Variants in CDH23 observed in about 807,000 individuals in gnomAD.
CDH23 encodes cadherin-23.
In CDH23, 189 loss-of-function variants were observed where a neutral mutation model predicts 317.1. The ratio of observed to expected loss-of-function variants is 0.60; its 90% CI spans 0.53 to 0.67. The LOEUF (loss-of-function observed/expected upper bound fraction) is 0.67. Ranked by LOEUF, CDH23 falls within the 30% of genes least tolerant of loss-of-function variation. The pLI is 0.00. For synonymous variants in CDH23, 1,839 were observed against 1,876.8 expected (o/e 0.98, Z 0.52); for missense variants, 4,401 against 4,592.4 (o/e 0.96, Z 1.20).
intron 32 of CDH23, 91 bp from the exon 33 acceptor site, chr10:71,734,149 G>A (rs1220138957): frequency 7.7e-5 from 78 of 1,013,368 alleles, no homozygotes; most frequent in Non-Finnish European, 1.1e-4. Flanking sequence ...CCGGACAGAG[G>A]AAGTGACATG....
At chr10:71,812,443 T>TCC in intron 66 of CDH23, 37 bp from the exon 67 acceptor site, 1 of 1,538,034 alleles carries the variant, frequency 6.5e-7, no homozygotes, top group Non-Finnish European at 8.9e-7. Context: ...ACTCGAGCCT[T>TCC]CCCTCCCTCC....
At chr10:71,737,497 A>G (rs1486651451) in intron 34 of CDH23, among the ~76,000 whole-genome samples, 2 of 152,232 alleles carry the variant, frequency 1.3e-5, no homozygotes, top group Non-Finnish European at 2.9e-5. Context: ...AAACCTGTAT[A>G]GAAGGAAGAA....
Position 71,724,025 on chromosome 10 carries a change from C to G in CDH23, c.3370-20C>G, listed in dbSNP as rs934679525. ...GCTGGGTGGCATTCAAGAAGTAACT[C>G]GTGTCTCATTCTTCCTCAGCTGAAA... On this transcript the variant is annotated intron_variant, in intron 28 of 69. Coordinates refer to ENST00000224721, the MANE Select transcript of CDH23 (RefSeq NM_022124.6). 1.3e-6 allele frequency: 2 copies of G among 1,554,156 alleles called. No homozygotes were observed. Among genetic ancestry groups the G allele is most frequent in the Middle Eastern group, 1.7e-4 (1 of 5,998 alleles).
intron 38 of CDH23, among the ~76,000 whole-genome samples, chr10:71,760,239 A>AGTGTG: frequency 3.0e-5 from 1 of 33,896 alleles, no homozygotes; most frequent in Admixed American, 2.6e-4. Context: ...ATGTATATAC[A>AGTGTG]TATATATGTA....
chr10:71,640,482 G>A (rs1032590263), intron 11 of CDH23, among the ~76,000 whole-genome samples: 1 of 152,242 alleles, frequency 6.6e-6, no homozygotes, highest in African/African-American at 2.4e-5. Context: ...GGGAGCGGTG[G>A]CTCACGCCTG....
At chr10:71,523,169 G>T (rs1192940166) in intron 6 of CDH23, among the ~76,000 whole-genome samples, 2 of 152,136 alleles carry the variant, frequency 1.3e-5, no homozygotes, top group African/African-American at 2.4e-5. Context: ...CCTTTATTGT[G>T]TTCTAGCACC....
Position 71,646,565 on chromosome 10 carries a change from A to C in CDH23, c.1397A>C (p.Asn466Thr), listed in dbSNP as rs369846470. ...CCCATCTTCAGCCAGCCACTGTACA[A>C]CATCAGCCTGTACGAGAACGTCACC... ...NRPIFSQPLY[N>T]ISLYENVTVG... The change falls in exon 14 of 70, where the codon AAC becomes ACC. Residue 466 changes from asparagine (N) to threonine (T), a missense_variant. Coordinates refer to ENST00000224721, the MANE Select transcript of CDH23 (RefSeq NM_022124.6). 2 of 1,613,860 alleles carry C rather than the reference A, an allele frequency of 1.2e-6. No homozygotes were observed. The highest frequency in any genetic ancestry group is 2.7e-5 in the African/African-American group (2 of 74,884).
chr10:71,510,246 GC>G, intron 4 of CDH23, 22 bp downstream of exon 4: 1 of 1,609,594 alleles, frequency 6.2e-7, no homozygotes, highest in Non-Finnish European at 8.5e-7. Flanking sequence ...CCATACCCCT[GC>G]CCCAATTCTC....
intron 1 of CDH23, among the ~76,000 whole-genome samples, chr10:71,408,175 T>C (rs1013981974): frequency 5.3e-5 from 8 of 152,150 alleles, no homozygotes; most frequent in African/African-American, 1.9e-4. Context: ...CTCTTAACAA[T>C]TTGACATCCA....
At chr10:71,529,540 G>T (rs1349430301) in intron 6 of CDH23, among the ~76,000 whole-genome samples, 1 of 152,286 alleles carries the variant, frequency 6.6e-6, no homozygotes, top group East Asian at 1.9e-4. Flanking sequence ...TCATAGGGTA[G>T]GGTCCACTCT....
At chr10:71,712,622 T>C in intron 27 of CDH23, 43 bp from the exon 28 acceptor site, 1 of 1,607,270 alleles carries the variant, frequency 6.2e-7, no homozygotes, top group East Asian at 2.2e-5. Context: ...TGTGCCCCTC[T>C]CTCAGGCAGC....
rs371702913 is a variant in CDH23 at position 71,777,940 on chromosome 10, C to A, written c.5067+39C>A. The A allele has an allele frequency of 2.6e-4, 418 of 1,605,054 alleles. 1 individual carries two copies. The African/African-American group carries it at 5.3e-3, about 20-fold the overall frequency. On this transcript the variant is annotated intron_variant, in intron 39 of 69. Coordinates refer to ENST00000224721, the MANE Select transcript of CDH23 (RefSeq NM_022124.6). ...GGCAGGATCAAGACAAGGGGCGAAA[C>A]CTATCCAGGGATTGGCAAGGAGTTC...
At chr10:71,577,553 C>A (rs1024642266) in intron 8 of CDH23, among the ~76,000 whole-genome samples, 10 of 152,182 alleles carry the variant, frequency 6.6e-5, no homozygotes, top group Non-Finnish European at 1.2e-4. Context: ...GTGCAGCAAC[C>A]TTCCTAAGGT....
chr10:71,689,570 C>T (rs1339972393), intron 19 of CDH23, among the ~76,000 whole-genome samples: 1 of 152,200 alleles, frequency 6.6e-6, no homozygotes, highest in Non-Finnish European at 1.5e-5. Context: ...TATGGCCTGC[C>T]TGGCCCCTTG....
At chr10:71,501,779 C>T (rs915938063) in intron 3 of CDH23, among the ~76,000 whole-genome samples, 5 of 152,206 alleles carry the variant, frequency 3.3e-5, no homozygotes, top group African/African-American at 1.2e-4. Context: ...CTGGGGAGCC[C>T]ATCCCAGGGA....
At chr10:71,682,860 G>A (rs1250161237) in intron 18 of CDH23, among the ~76,000 whole-genome samples, 2 of 152,188 alleles carry the variant, frequency 1.3e-5, no homozygotes, top group Non-Finnish European at 2.9e-5. Context: ...CCCTCGGTGG[G>A]GAACAGGAGC....
At chr10:71,430,180 C>A (rs901075946) in intron 1 of CDH23, among the ~76,000 whole-genome samples, 2 of 152,050 alleles carry the variant, frequency 1.3e-5, no homozygotes, top group African/African-American at 4.8e-5. Flanking sequence ...TGTTCCCCTG[C>A]TGGTGAGCCA....
At chr10:71,771,046 A>C (rs1840672516) in intron 38 of CDH23, among the ~76,000 whole-genome samples, 1 of 152,174 alleles carries the variant, frequency 6.6e-6, no homozygotes, top group Non-Finnish European at 1.5e-5. Flanking sequence ...GTTTGCTATG[A>C]AGGAGAAGAT....
intron 14 of CDH23, among the ~76,000 whole-genome samples, chr10:71,656,308 A>G (rs186635355): frequency 3.3e-5 from 5 of 152,224 alleles, no homozygotes; most frequent in Admixed American, 3.3e-4. Context: ...TTCCCTGGCT[A>G]CTTCTGGGCA....
Sources: gnomAD v4.1 joint callset for allele counts (sites outside exome capture counted in the v4.1 genomes callset) on GRCh38, gnomAD v4.1.1 for gene constraint, MANE v1.5 for transcripts, NCBI Gene and HGNC (gene_info 2026-07-23, HGNC 2026-07-21) for gene names.